Variants in LSAMP observed in about 807,000 individuals in gnomAD.
The protein encoded by LSAMP is limbic system-associated membrane protein.
Under a neutral mutation model 38.6 loss-of-function variants are expected in LSAMP, and 7 were observed. The observed-to-expected ratio is 0.18, with a 90% CI of 0.10 to 0.34. The LOEUF is 0.34. Among genes scored for constraint, LSAMP ranks in the 10% least tolerant of loss-of-function variants. The pLI is 1.00. For synonymous variants in LSAMP, 154 were observed against 166.8 expected (o/e 0.92, Z 0.59); for missense variants, 313 against 420.0 (o/e 0.75, Z 2.23).
chr3:116,152,390 A>T (rs1325490029), intron 1 of LSAMP, among the ~76,000 whole-genome samples: 1 of 152,118 alleles, frequency 6.6e-6, no homozygotes, highest in Non-Finnish European at 1.5e-5. Context: ...GAATGTGCAG[A>T]AAGTCACACA....
intron 1 of LSAMP, among the ~76,000 whole-genome samples, chr3:116,439,557 A>C (rs2049403871): frequency 6.6e-6 from 1 of 152,234 alleles, no homozygotes. Context: ...AGAAAAAAGA[A>C]AAAAGAATTC....
chr3:116,145,844 C>T (rs1709478647), intron 1 of LSAMP, among the ~76,000 whole-genome samples: 1 of 151,804 alleles, frequency 6.6e-6, no homozygotes, highest in Non-Finnish European at 1.5e-5. Flanking sequence ...TGTGTCTAAT[C>T]TGTAGTTGAA....
chr3:116,201,816 A>G (rs1228830838), intron 1 of LSAMP, among the ~76,000 whole-genome samples: 1 of 152,128 alleles, frequency 6.6e-6, no homozygotes, highest in Non-Finnish European at 1.5e-5. Flanking sequence ...GAAAAGTGAG[A>G]CTTATTTTAA....
At chr3:116,069,571 T>C (rs1238894142) in intron 2 of LSAMP, among the ~76,000 whole-genome samples, 1 of 145,312 alleles carries the variant, frequency 6.9e-6, no homozygotes, top group African/African-American at 2.5e-5. Context: ...AAAAAAAAAA[T>C]GTGGGAAAGA....
In LSAMP at chr3:115,805,970, C is replaced by T. The variant is rs929883228; in HGVS notation, c.*4347G>A. On this transcript the variant is annotated 3_prime_UTR_variant, in exon 7 of 7. Transcript: ENST00000490035. ...CTCACCATTTTTGTGGTGTGTTTCACATTTGTCTTCAAAATATTAATAGTT... is the reference window on the plus strand; with the variant it reads ...CTCACCATTTTTGTGGTGTGTTTCATATTTGTCTTCAAAATATTAATAGTT... The T allele has an allele frequency of 2.0e-5, 3 of 152,136 alleles. No homozygotes were observed. Among genetic ancestry groups the T allele is most frequent in the Non-Finnish European group, 4.4e-5 (3 of 68,016 alleles). 9.4% of individuals were successfully genotyped at this position (152,136 alleles called of 1,614,324 possible). A position where few individuals can be genotyped will look rare whatever the true frequency, so the allele number is the denominator to read the frequency against.
chr3:116,428,510 T>C (rs1285313979), intron 1 of LSAMP, among the ~76,000 whole-genome samples: 1 of 152,158 alleles, frequency 6.6e-6, no homozygotes, highest in East Asian at 1.9e-4. Context: ...AAACCTACCA[T>C]GTATTTAGAA....
chr3:115,893,593 A>G (rs1205941740), intron 3 of LSAMP, among the ~76,000 whole-genome samples: 4 of 152,028 alleles, frequency 2.6e-5, no homozygotes, highest in African/African-American at 9.7e-5. Flanking sequence ...GATCAATCAT[A>G]GTAGAGAAAA....
chr3:116,388,785 T>A (rs867945396), intron 1 of LSAMP, among the ~76,000 whole-genome samples: 42 of 152,156 alleles, frequency 2.8e-4, no homozygotes, highest in African/African-American at 9.9e-4. Context: ...AATCCTATAA[T>A]GTACATTGGG....
chr3:115,937,359 G>A (rs1257348056), intron 3 of LSAMP, among the ~76,000 whole-genome samples: 1 of 152,120 alleles, frequency 6.6e-6, no homozygotes, highest in Non-Finnish European at 1.5e-5. Context: ...GTAATGTCTT[G>A]GCCAGGCATG....
intron 1 of LSAMP, among the ~76,000 whole-genome samples, chr3:116,405,624 C>G (rs1380581373): frequency 6.6e-6 from 1 of 151,656 alleles, no homozygotes; most frequent in African/African-American, 2.4e-5. Context: ...TCAACAGAAG[C>G]ACTAAGTTAT....
intron 1 of LSAMP, among the ~76,000 whole-genome samples, chr3:116,352,648 T>C (rs114345600): frequency 0.019 from 2,861 of 152,226 alleles, 88 homozygotes; most frequent in African/African-American, 0.064. Flanking sequence ...TACCTCAAAG[T>C]AAAACATTCA....
chr3:115,930,002 G>GTTTTTTTTTTTT lies in LSAMP; in HGVS notation c.515-77397_515-77386dup, dbSNP rs1170325465. On this transcript the variant is annotated intron_variant, in intron 3 of 6. Transcript: ENST00000490035. The stretch of plus-strand genomic sequence containing the variant: ...ATCCAGATCTATAAATTTAGCAGAA[G>GTTTTTTTTTTTT]TTTTTTTTTTTTTTTTTTTTTTTTG... 2.4e-4 allele frequency among the ~76,000 whole-genome samples: 19 copies of GTTTTTTTTTTTT among 80,294 alleles called. 3 individuals carry two copies. Among genetic ancestry groups the GTTTTTTTTTTTT allele is most frequent in the South Asian group, 2.2e-3 (4 of 1,802 alleles). 52.7% of individuals were successfully genotyped at this position (80,294 alleles called of 152,430 possible).
At chr3:116,015,422 T>C (rs1352142584) in intron 3 of LSAMP, among the ~76,000 whole-genome samples, 2 of 152,072 alleles carry the variant, frequency 1.3e-5, no homozygotes, top group Non-Finnish European at 2.9e-5. Flanking sequence ...GATCAAACAC[T>C]CCATAGAAAA....
At chr3:116,376,210 C>T (rs1308101576) in intron 1 of LSAMP, among the ~76,000 whole-genome samples, 2 of 152,010 alleles carry the variant, frequency 1.3e-5, no homozygotes, top group Non-Finnish European at 2.9e-5. Context: ...CTGATAAATG[C>T]AATAAGGTGA....
At chr3:116,190,586 A>G (rs749474622) in intron 1 of LSAMP, among the ~76,000 whole-genome samples, 9 of 152,218 alleles carry the variant, frequency 5.9e-5, no homozygotes, top group Non-Finnish European at 1.2e-4. Flanking sequence ...TCATATTTCC[A>G]AACCAGTGGG....
intron 1 of LSAMP, among the ~76,000 whole-genome samples, chr3:116,099,863 A>G (rs988430796): frequency 1.3e-5 from 2 of 151,320 alleles, no homozygotes; most frequent in African/African-American, 4.9e-5. Context: ...CTCCTAATAC[A>G]GTGTTGGTTT....
At chr3:115,988,582 A>G (rs4599302) in intron 3 of LSAMP, among the ~76,000 whole-genome samples, 54,840 of 151,994 alleles carry the variant, frequency 0.36, 9,957 homozygotes, top group African/African-American at 0.39. Context: ...GATTACAGGT[A>G]CACACCATTG....
At chr3:116,225,477 A>T (rs544515720) in intron 1 of LSAMP, among the ~76,000 whole-genome samples, 1 of 152,170 alleles carries the variant, frequency 6.6e-6, no homozygotes, top group Non-Finnish European at 1.5e-5. Flanking sequence ...ACCACCCAGT[A>T]TGTGGTAATT....
At chr3:115,928,979 T>TG (rs1559884797) in intron 3 of LSAMP, among the ~76,000 whole-genome samples, 11 of 148,830 alleles carry the variant, frequency 7.4e-5, no homozygotes, top group East Asian at 4.0e-4. Context: ...GTTTGTTTTT[T>TG]TTTTTTTTTT....
Sources: gnomAD v4.1 joint callset for allele counts (sites outside exome capture counted in the v4.1 genomes callset) on GRCh38, gnomAD v4.1.1 for gene constraint, MANE v1.5 for transcripts, NCBI Gene and HGNC (gene_info 2026-07-23, HGNC 2026-07-21) for gene names.